UBASH3B: variants seen among roughly 807,000 people sequenced by gnomAD.
The protein encoded by UBASH3B is ubiquitin-associated and SH3 domain-containing protein B.
UBASH3B carries 37 observed loss-of-function variants against 83.4 expected under a neutral mutation model. That is an observed-to-expected ratio of 0.44 (90% CI 0.34 to 0.58). The LOEUF is 0.58. Among genes scored for constraint, UBASH3B ranks in the 20% least tolerant of loss-of-function variants. UBASH3B has a pLI of 0.01. For missense variants in UBASH3B, 657 were observed against 827.2 expected (o/e 0.79, Z 2.52); for synonymous variants, 304 against 318.3 (o/e 0.96, Z 0.48).
intron 1 of UBASH3B, among the ~76,000 whole-genome samples, chr11:122,720,249 T>A (rs1021804394): frequency 6.6e-6 from 1 of 152,206 alleles, no homozygotes; most frequent in Non-Finnish European, 1.5e-5. Context: ...AGGATAACTC[T>A]TTCTTCCAGA....
chr11:122,725,444 G>C (rs1030591727), intron 1 of UBASH3B, among the ~76,000 whole-genome samples: 3 of 151,970 alleles, frequency 2.0e-5, no homozygotes, highest in Non-Finnish European at 4.4e-5. Flanking sequence ...CCTTAACCGT[G>C]GTCAGGAGGC....
intron 1 of UBASH3B, among the ~76,000 whole-genome samples, chr11:122,665,002 G>A (rs1175520114): frequency 2.0e-5 from 3 of 152,174 alleles, no homozygotes; most frequent in African/African-American, 7.2e-5. Flanking sequence ...TCCGCCCCCC[G>A]GGTTCACTTC....
chr11:122,783,061 G>T lies in UBASH3B; in HGVS notation c.610G>T (p.Val204Leu), dbSNP rs762070644. ...AEAASKTEVH[V>L]EPHKKQLHVT... ...TTTCTTCCTTTTTCCAGAAGTGCATGTGGAACCTCATAAGAAGCAGCTACA... is the reference window on the plus strand; with the variant it reads ...TTTCTTCCTTTTTCCAGAAGTGCATTTGGAACCTCATAAGAAGCAGCTACA... Residue 204 changes from valine to leucine, a missense_variant, in exon 5 of 14, where the codon GTG becomes TTG. Val to Leu is a conservative substitution (Grantham distance 32). This residue lies in a region of UBASH3B where 573 missense variants were observed against 739.0 expected (regional missense o/e 0.78). Coordinates refer to ENST00000284273, the MANE Select transcript of UBASH3B (RefSeq NM_032873.5). 6.2e-7 allele frequency: 1 copy of T among 1,612,512 alleles called. No homozygotes were observed. The highest frequency in any genetic ancestry group is 8.5e-7 in the Non-Finnish European group (1 of 1,179,424).
chr11:122,675,122 C>G (rs1863651024), intron 1 of UBASH3B, among the ~76,000 whole-genome samples: 1 of 152,190 alleles, frequency 6.6e-6, no homozygotes, highest in Non-Finnish European at 1.5e-5. Flanking sequence ...GTCCCTAACC[C>G]AAGTTTTCCT....
rs147084966 is a variant in UBASH3B at position 122,770,832 on chromosome 11, A to G, written c.162-5387A>G. Among the ~76,000 whole-genome samples, 473 of 152,302 alleles carry G rather than the reference A, an allele frequency of 3.1e-3. 2 individuals carry two copies. The highest frequency in any genetic ancestry group is 0.011 in the African/African-American group (444 of 41,550). ...CAACCATCGAAACATCATTGCCAAT[A>G]TCCTCATTGTCACTGCCTCAGTTCA... On this transcript the variant is annotated intron_variant, in intron 1 of 13. Coordinates refer to ENST00000284273, the MANE Select transcript of UBASH3B (RefSeq NM_032873.5).
chr11:122,750,290 C>T (rs968593329), intron 1 of UBASH3B, among the ~76,000 whole-genome samples: 3 of 152,254 alleles, frequency 2.0e-5, no homozygotes, highest in South Asian at 4.1e-4. Flanking sequence ...TCTTTACTTC[C>T]GGCATATTGC....
intron 5 of UBASH3B, among the ~76,000 whole-genome samples, chr11:122,787,242 C>T (rs1018755972): frequency 2.6e-5 from 4 of 152,120 alleles, no homozygotes; most frequent in Non-Finnish European, 4.4e-5. Flanking sequence ...TGAGATTTCG[C>T]GTGAATTGTT....
chr11:122,730,132 A>C (rs1303173885), intron 1 of UBASH3B, among the ~76,000 whole-genome samples: 1 of 152,164 alleles, frequency 6.6e-6, no homozygotes. Flanking sequence ...CTGAAAATAC[A>C]AAAATTAGTT....
At chr11:122,685,739 C>T (rs1412509667) in intron 1 of UBASH3B, among the ~76,000 whole-genome samples, 1 of 152,134 alleles carries the variant, frequency 6.6e-6, no homozygotes, top group African/African-American at 2.4e-5. Flanking sequence ...AAGCTGGTCT[C>T]GAACTCCTGA....
At chr11:122,722,710 C>CT (rs35917085) in intron 1 of UBASH3B, among the ~76,000 whole-genome samples, 58,954 of 146,316 alleles carry the variant, frequency 0.4, 13,135 homozygotes, top group Non-Finnish European at 0.53. Context: ...TCTGGTATTT[C>CT]TTTTTTTTTT....
intron 1 of UBASH3B, among the ~76,000 whole-genome samples, chr11:122,661,278 G>A: frequency 6.6e-6 from 1 of 152,210 alleles, no homozygotes; most frequent in East Asian, 1.9e-4. Flanking sequence ...AGTAAGCTGT[G>A]TTAGCTATGC....
chr11:122,778,130 A>G (rs996874126), intron 3 of UBASH3B, among the ~76,000 whole-genome samples: 1 of 135,132 alleles, frequency 7.4e-6, no homozygotes, highest in African/African-American at 2.5e-5. Flanking sequence ...TTATCTCCAT[A>G]TATTCAAGAC....
chr11:122,690,662 A>G (rs1863883415), intron 1 of UBASH3B, among the ~76,000 whole-genome samples: 1 of 152,028 alleles, frequency 6.6e-6, no homozygotes, highest in African/African-American at 2.4e-5. Context: ...GCTAAAGTTT[A>G]GATACATACG....
At chr11:122,797,164 A>C in intron 9 of UBASH3B, 131 bp downstream of exon 9, 1 of 1,263,068 alleles carries the variant, frequency 7.9e-7, no homozygotes, top group Non-Finnish European at 1.1e-6. Flanking sequence ...ATTCAAAAGG[A>C]ACTTACTACA....
chr11:122,696,689 C>T (rs934138954), intron 1 of UBASH3B, among the ~76,000 whole-genome samples: 1 of 152,190 alleles, frequency 6.6e-6, no homozygotes, highest in African/African-American at 2.4e-5. Context: ...CCGAGCTATG[C>T]CCACCCTTTC....
At chr11:122,763,990 A>G (rs867704091) in intron 1 of UBASH3B, among the ~76,000 whole-genome samples, 13 of 152,306 alleles carry the variant, frequency 8.5e-5, no homozygotes, top group Middle Eastern at 3.4e-3. Context: ...ACTTCCTTGT[A>G]TGAAAGTGAT....
At chr11:122,749,813 A>G (rs1861173437) in intron 1 of UBASH3B, among the ~76,000 whole-genome samples, 1 of 152,002 alleles carries the variant, frequency 6.6e-6, no homozygotes, top group Non-Finnish European at 1.5e-5. Context: ...GCTCACTGCA[A>G]CCTCCGCCTT....
At chr11:122,761,872 A>C (rs955238176) in intron 1 of UBASH3B, among the ~76,000 whole-genome samples, 4 of 134,550 alleles carry the variant, frequency 3.0e-5, no homozygotes, top group Admixed American at 8.6e-5. Flanking sequence ...GCTCACTGCA[A>C]CCTCTGCCTC....
At chr11:122,802,827 C>T (rs1439606082) in intron 11 of UBASH3B, among the ~76,000 whole-genome samples, 1 of 152,200 alleles carries the variant, frequency 6.6e-6, no homozygotes, top group Non-Finnish European at 1.5e-5. Flanking sequence ...GTCCCCCATG[C>T]AGCAGCCAGC....
Sources: gnomAD v4.1 joint callset for allele counts (sites outside exome capture counted in the v4.1 genomes callset) on GRCh38, gnomAD v4.1.1 for gene constraint, gnomAD v4.1.1 regional missense constraint, MANE v1.5 for transcripts, NCBI Gene and HGNC (gene_info 2026-07-23, HGNC 2026-07-21) for gene names.